GPHN: variants seen among roughly 807,000 people sequenced by gnomAD.
GPHN encodes the protein gephyrin.
In GPHN, 17 loss-of-function variants were observed where a neutral mutation model predicts 95.5. The observed-to-expected ratio is 0.18, with a 90% CI of 0.12 to 0.27. The LOEUF is 0.27. Ranked by LOEUF, GPHN falls within the 10% of genes least tolerant of loss-of-function variation. The pLI, the probability that GPHN is intolerant of heterozygous loss-of-function variation, is 1.00. For synonymous variants in GPHN, 320 were observed against 322.5 expected (o/e 0.99, Z 0.08); for missense variants, 660 against 978.1 (o/e 0.67, Z 4.34).
the GPHN span, among the ~76,000 whole-genome samples, chr14:67,578,828 C>G: frequency 2.6e-5 from 4 of 152,320 alleles, no homozygotes; most frequent in Admixed American, 2.6e-4. The surrounding 1 kb of genome is among the most constrained non-coding windows in gnomAD (Gnocchi z 5.0). Context: ...TCTCTGCACG[C>G]CAATCCATGT....
intron 8 of GPHN, among the ~76,000 whole-genome samples, chr14:66,963,823 G>A (rs1001078779): frequency 3.9e-5 from 6 of 152,214 alleles, no homozygotes; most frequent in African/African-American, 1.2e-4. Context: ...TGTTGGTATA[G>A]AAACTAAATA....
chr14:67,714,703 CAT>C, the GPHN span: 3 of 152,836 alleles, frequency 2.0e-5, no homozygotes, highest in African/African-American at 4.8e-5. Context: ...ATGCCCCACA[CAT>C]GTTATCATGG....
intron 10 of GPHN, among the ~76,000 whole-genome samples, chr14:67,043,489 C>CAT (rs1277704836): frequency 1.3e-5 from 2 of 151,930 alleles, no homozygotes; most frequent in Non-Finnish European, 2.9e-5. Flanking sequence ...TTAAGATAAT[C>CAT]GTGTTTTTTG....
intron 1 of GPHN, among the ~76,000 whole-genome samples, chr14:66,626,654 T>C (rs2063539055): frequency 6.6e-6 from 1 of 152,166 alleles, no homozygotes; most frequent in Non-Finnish European, 1.5e-5. Flanking sequence ...GGCTTAACAC[T>C]GGACCTCACA....
chr14:66,624,468 C>T (rs559686369), intron 1 of GPHN, among the ~76,000 whole-genome samples: 3 of 152,168 alleles, frequency 2.0e-5, no homozygotes, highest in Non-Finnish European at 4.4e-5. Flanking sequence ...ATTAAATAAA[C>T]GGTTGGGTCT....
chr14:66,766,299 G>T (rs533733750), intron 2 of GPHN, among the ~76,000 whole-genome samples: 3 of 152,236 alleles, frequency 2.0e-5, no homozygotes, highest in African/African-American at 7.2e-5. Flanking sequence ...AGGTGCATGG[G>T]ACTAAGAAGA....
chr14:67,223,514 G>A, the GPHN span, among the ~76,000 whole-genome samples: 4 of 152,314 alleles, frequency 2.6e-5, no homozygotes, highest in South Asian at 2.1e-4. Flanking sequence ...ACTCATCTTC[G>A]ACAATCTAGC....
At chr14:66,661,576 A>G (rs921697592) in intron 1 of GPHN, among the ~76,000 whole-genome samples, 1 of 152,098 alleles carries the variant, frequency 6.6e-6, no homozygotes, top group Non-Finnish European at 1.5e-5. Context: ...GGCTTTGGAG[A>G]GTCCAAACCG....
intron 18 of GPHN, among the ~76,000 whole-genome samples, chr14:67,156,143 G>T (rs529932333): frequency 7.2e-5 from 11 of 152,076 alleles, no homozygotes; most frequent in Non-Finnish European, 1.2e-4. Context: ...ACTAAAGAGG[G>T]TTAACATGTC....
the GPHN span, chr14:67,659,973 T>C: frequency 9.3e-4 from 1,446 of 1,555,390 alleles, 18 homozygotes; most frequent in African/African-American, 0.017. Context: ...CCCTCACTCA[T>C]TTGGAAATAT....
At chr14:67,347,593 C>T in the GPHN span, 99 of 679,216 alleles carry the variant, frequency 1.5e-4, no homozygotes, top group African/African-American at 1.7e-3. Context: ...CCTCTGCCTC[C>T]CAGGTTCAAG....
rs367997271 is a variant in GPHN at position 66,845,819 on chromosome 14, C to CTGTGTGTGTG, written c.294+21285_294+21294dup. Among the ~76,000 whole-genome samples, 386 of 143,398 alleles carry CTGTGTGTGTG rather than the reference C, an allele frequency of 2.7e-3. 2 individuals are homozygous for CTGTGTGTGTG. The highest frequency in any genetic ancestry group is 8.3e-3 in the African/African-American group (326 of 39,258). 94.1% of individuals were successfully genotyped at this position (143,398 alleles called of 152,430 possible). A position where few individuals can be genotyped will look rare whatever the true frequency, so the allele number is the denominator to read the frequency against. ...TTAGGTAATGTGCACATACATGCCT[C>CTGTGTGTGTG]TGTGTGTGTGTGTGTGTGTGTGTGT... On this transcript the variant is annotated intron_variant, in intron 4 of 22. Coordinates refer to ENST00000478722, the MANE Select transcript of GPHN (RefSeq NM_020806.5).
At chr14:67,729,252 C>T in the GPHN span, 4 of 1,609,416 alleles carry the variant, frequency 2.5e-6, no homozygotes, top group Admixed American at 5.0e-5. Flanking sequence ...TGGTCCGGCA[C>T]TCCTCCCTGC....
chr14:67,011,826 C>T (rs2073030412), intron 9 of GPHN, among the ~76,000 whole-genome samples: 1 of 139,880 alleles, frequency 7.1e-6, no homozygotes, highest in African/African-American at 2.5e-5. Flanking sequence ...TGTATAAATA[C>T]ACAGATTTTA....
At chr14:66,794,432 A>G (rs907867747) in intron 3 of GPHN, among the ~76,000 whole-genome samples, 1 of 152,232 alleles carries the variant, frequency 6.6e-6, no homozygotes, top group Non-Finnish European at 1.5e-5. Context: ...ACTGTGAGCC[A>G]GTTAAACCTG....
chr14:66,718,173 CTGT>C (rs1384505310), intron 2 of GPHN, among the ~76,000 whole-genome samples: 1 of 152,148 alleles, frequency 6.6e-6, no homozygotes, highest in Non-Finnish European at 1.5e-5. Flanking sequence ...AAGAATGAAG[CTGT>C]GGACCCTCGC....
the GPHN span, among the ~76,000 whole-genome samples, chr14:67,536,750 C>G: frequency 6.6e-6 from 1 of 151,960 alleles, no homozygotes; most frequent in Admixed American, 6.5e-5. Context: ...TTGTATTAAA[C>G]TTAATCTTGG....
At chr14:67,221,812 G>A in the GPHN span, 2 of 1,612,828 alleles carry the variant, frequency 1.2e-6, no homozygotes, top group Non-Finnish European at 1.7e-6. Flanking sequence ...CTTCAGGTAT[G>A]GAACAAATTC....
the GPHN span, among the ~76,000 whole-genome samples, chr14:67,731,691 A>C: frequency 2.6e-5 from 4 of 152,310 alleles, no homozygotes; most frequent in South Asian, 8.3e-4. Flanking sequence ...ATACAAAACT[A>C]TATGATTTTT....
Sources: gnomAD v4.1 joint callset for allele counts (sites outside exome capture counted in the v4.1 genomes callset) on GRCh38, gnomAD v4.1.1 for gene constraint, Gnocchi (gnomAD v3.1) non-coding constraint, MANE v1.5 for transcripts, NCBI Gene and HGNC (gene_info 2026-07-23, HGNC 2026-07-21) for gene names.